The following COL25A1 variants were observed in gnomAD, a reference collection of about 807,000 sequenced individuals.
COL25A1 encodes the protein collagen alpha-1(XXV) chain.
A neutral mutation model predicts 128.4 loss-of-function variants in COL25A1; 103 were observed. That is an observed-to-expected ratio of 0.80 (90% CI 0.68 to 0.94). The LOEUF (loss-of-function observed/expected upper bound fraction) is 0.94, where lower values mean the gene tolerates loss of function less well. Among genes scored for constraint, COL25A1 ranks in the 40% least tolerant of loss-of-function variants. The pLI is 0.00. For synonymous variants in COL25A1, 279 were observed against 277.2 expected (o/e 1.01, Z -0.06); for missense variants, 745 against 840.0 (o/e 0.89, Z 1.40).
chr4:108,951,874 A>C (rs1749482558), intron 8 of COL25A1, among the ~76,000 whole-genome samples: 1 of 152,192 alleles, frequency 6.6e-6, no homozygotes, highest in African/African-American at 2.4e-5. Flanking sequence ...TAAGGGTGTC[A>C]GACAATATGC....
chr4:109,091,040 T>C (rs1764846077), intron 3 of COL25A1, among the ~76,000 whole-genome samples: 1 of 152,156 alleles, frequency 6.6e-6, no homozygotes, highest in African/African-American at 2.4e-5. Context: ...AAACACAAAT[T>C]TGGCAACATC....
chr4:109,161,063 C>T (rs1772528498), intron 3 of COL25A1, among the ~76,000 whole-genome samples: 1 of 152,076 alleles, frequency 6.6e-6, no homozygotes, highest in African/African-American at 2.4e-5. Context: ...ATTTCAAACT[C>T]CTGGCCTCAA....
chr4:108,940,401 A>T (rs113808298), intron 10 of COL25A1, 138 bp downstream of exon 10: 27,079 of 753,884 alleles, frequency 0.036, 630 homozygotes, highest in Non-Finnish European at 0.045. Flanking sequence ...TACTCCACTC[A>T]TCATCCCACT....
At chr4:109,006,759 T>C (rs1315092991) in intron 6 of COL25A1, among the ~76,000 whole-genome samples, 1 of 152,184 alleles carries the variant, frequency 6.6e-6, no homozygotes, top group Non-Finnish European at 1.5e-5. Flanking sequence ...TAAGTGCTCA[T>C]ATTTATGATA....
At chr4:108,959,173 C>T (rs1362411503) in intron 8 of COL25A1, among the ~76,000 whole-genome samples, 2 of 152,016 alleles carry the variant, frequency 1.3e-5, no homozygotes, top group Non-Finnish European at 2.9e-5. Context: ...ATCCAAAATG[C>T]ATGTCCTACC....
chr4:108,964,700 C>T (rs956801813), intron 8 of COL25A1, among the ~76,000 whole-genome samples: 1 of 151,836 alleles, frequency 6.6e-6, no homozygotes, highest in Non-Finnish European at 1.5e-5. Flanking sequence ...CTAAATTGAC[C>T]GATATTAGGA....
intron 11 of COL25A1, among the ~76,000 whole-genome samples, chr4:108,936,328 G>A (rs1747398107): frequency 6.6e-6 from 1 of 152,124 alleles, no homozygotes; most frequent in African/African-American, 2.4e-5. Flanking sequence ...CAGCACTTTG[G>A]GAGGCCGAGG....
At chr4:108,963,161 A>G (rs1162573414) in intron 8 of COL25A1, among the ~76,000 whole-genome samples, 1 of 152,184 alleles carries the variant, frequency 6.6e-6, no homozygotes, top group Non-Finnish European at 1.5e-5. Flanking sequence ...GGAAGAATCA[A>G]AAATATAATC....
intron 8 of COL25A1, among the ~76,000 whole-genome samples, chr4:108,945,050 C>T (rs1459502159): frequency 1.3e-5 from 2 of 152,026 alleles, no homozygotes; most frequent in African/African-American, 2.4e-5. Context: ...GCTTTTCAAA[C>T]TGGGGTAAAA....
chr4:109,265,267 C>T (rs1020202505), intron 3 of COL25A1, among the ~76,000 whole-genome samples: 18 of 152,266 alleles, frequency 1.2e-4, no homozygotes, highest in African/African-American at 4.1e-4. Context: ...GGAGCTGAAA[C>T]ACTGCACAGT....
chr4:108,985,967 T>C (rs1753628721), intron 6 of COL25A1, among the ~76,000 whole-genome samples: 1 of 152,170 alleles, frequency 6.6e-6, no homozygotes, highest in East Asian at 1.9e-4. Flanking sequence ...GATTCTTGAC[T>C]TTCCTATTTT....
intron 11 of COL25A1, among the ~76,000 whole-genome samples, chr4:108,933,638 A>G (rs561136335): frequency 1.1e-4 from 16 of 152,192 alleles, no homozygotes; most frequent in Non-Finnish European, 1.9e-4. Flanking sequence ...TTTTAATAGT[A>G]GTACTTCTCA....
At chr4:109,284,496 G>A (rs1411468706) in intron 3 of COL25A1, among the ~76,000 whole-genome samples, 2 of 152,140 alleles carry the variant, frequency 1.3e-5, no homozygotes, top group Non-Finnish European at 2.9e-5. Flanking sequence ...TGCAATGCAC[G>A]GAAGACAATT....
At chr4:108,896,881 G>T (rs1742215333) in intron 15 of COL25A1, among the ~76,000 whole-genome samples, 170 bp from the exon 16 acceptor site, 1 of 152,146 alleles carries the variant, frequency 6.6e-6, no homozygotes, top group African/African-American at 2.4e-5. Flanking sequence ...ATCAATAAAA[G>T]AAATTTTACT....
intron 8 of COL25A1, among the ~76,000 whole-genome samples, chr4:108,945,747 T>G (rs2125935993): frequency 6.6e-6 from 1 of 152,274 alleles, no homozygotes; most frequent in African/African-American, 2.4e-5. Context: ...CACTGCAACC[T>G]CTGCCTTCCG....
At chr4:109,262,637 T>C (rs978270984) in intron 3 of COL25A1, among the ~76,000 whole-genome samples, 2 of 152,206 alleles carry the variant, frequency 1.3e-5, no homozygotes, top group African/African-American at 4.8e-5. Flanking sequence ...GTAAAAGTTA[T>C]TAATTTCAGA....
chr4:109,135,602 A>C (rs1769656796), intron 3 of COL25A1, among the ~76,000 whole-genome samples: 1 of 152,026 alleles, frequency 6.6e-6, no homozygotes, highest in African/African-American at 2.4e-5. Context: ...TTAAGTCAAA[A>C]TGGGGACTGG....
intron 22 of COL25A1, among the ~76,000 whole-genome samples, chr4:108,861,551 G>C (rs942513155): frequency 6.6e-6 from 1 of 152,172 alleles, no homozygotes; most frequent in Admixed American, 6.5e-5. Context: ...GCTGGAACAG[G>C]TTGGCAGCGC....
intron 3 of COL25A1, among the ~76,000 whole-genome samples, chr4:109,080,828 T>C (rs1327406557): frequency 6.6e-6 from 1 of 152,204 alleles, no homozygotes; most frequent in Admixed American, 6.5e-5. Flanking sequence ...TCAGTGAAAC[T>C]GTTCTATTTT....
Sources: allele counts gnomAD v4.1 joint callset (sites outside exome capture counted in the v4.1 genomes callset), GRCh38; gene constraint gnomAD v4.1.1; transcripts MANE v1.5; gene names NCBI Gene and HGNC (gene_info 2026-07-23, HGNC 2026-07-21).